The following CTNNA2 variants were observed in gnomAD, a reference collection of about 807,000 sequenced individuals.
CTNNA2 encodes catenin alpha 2.
CTNNA2 carries 42 observed loss-of-function variants against 101.0 expected under a neutral mutation model. The observed-to-expected ratio is 0.42, with a 90% CI of 0.32 to 0.54. The LOEUF is 0.54. Ranked by LOEUF, CTNNA2 falls within the 20% of genes least tolerant of loss-of-function variation. The pLI, the probability that CTNNA2 is intolerant of heterozygous loss-of-function variation, is 0.14. For missense variants in CTNNA2, 871 were observed against 1,223.1 expected (o/e 0.71, Z 4.29); for synonymous variants, 450 against 456.4 (o/e 0.99, Z 0.18).
intron 17 of CTNNA2, among the ~76,000 whole-genome samples, chr2:80,615,937 A>G (rs1262142146): frequency 1.3e-5 from 2 of 151,716 alleles, no homozygotes; most frequent in African/African-American, 2.4e-5. Flanking sequence ...TGGGCTATAA[A>G]TATATCTCAA....
intron 9 of CTNNA2, among the ~76,000 whole-genome samples, chr2:80,482,084 T>A (rs1686193699): frequency 6.6e-6 from 1 of 151,728 alleles, no homozygotes; most frequent in African/African-American, 2.4e-5. Flanking sequence ...TTAATTTAAT[T>A]TAATTTAATT....
chr2:79,668,234 G>A (rs1333260278), intron 2 of CTNNA2, among the ~76,000 whole-genome samples: 13 of 110,716 alleles, frequency 1.2e-4, no homozygotes, highest in South Asian at 3.7e-4. Flanking sequence ...GCGACAGAGC[G>A]AGACTCCGTC....
chr2:79,794,720 A>G (rs1263060804), intron 3 of CTNNA2, among the ~76,000 whole-genome samples: 1 of 152,248 alleles, frequency 6.6e-6, no homozygotes, highest in African/African-American at 2.4e-5. Flanking sequence ...CATTTAAGTA[A>G]TATACTCCAT....
intron 4 of CTNNA2, 143 bp downstream of exon 4, chr2:79,858,322 T>G (rs1681307703): frequency 2.1e-6 from 1 of 467,370 alleles, no homozygotes; most frequent in African/African-American, 1.9e-5. Context: ...CACGTCCAAT[T>G]TTTTCTAATA....
chr2:80,506,891 T>G (rs141833186), intron 9 of CTNNA2, among the ~76,000 whole-genome samples: 4 of 152,212 alleles, frequency 2.6e-5, no homozygotes, highest in African/African-American at 9.6e-5. Flanking sequence ...AAGAACTGCC[T>G]ATGTGACCTT....
chr2:80,356,760 C>T (rs1673853145), intron 7 of CTNNA2, among the ~76,000 whole-genome samples: 2 of 152,180 alleles, frequency 1.3e-5, no homozygotes, highest in Admixed American at 6.5e-5. Flanking sequence ...ACCATTCATT[C>T]AACACTTATC....
intron 2 of CTNNA2, among the ~76,000 whole-genome samples, chr2:79,678,360 G>A (rs1219972446): frequency 6.6e-6 from 1 of 151,960 alleles, no homozygotes; most frequent in Non-Finnish European, 1.5e-5. Context: ...TAGGCAACAT[G>A]GTGAAACCCT....
chr2:79,191,236 T>C (rs1002878079), intron 1 of CTNNA2, among the ~76,000 whole-genome samples: 13 of 152,172 alleles, frequency 8.5e-5, no homozygotes, highest in African/African-American at 3.1e-4. Context: ...ACAAAGTTAG[T>C]CTCCAATTCC....
intron 7 of CTNNA2, among the ~76,000 whole-genome samples, chr2:80,085,757 G>A (rs945698120): frequency 2.0e-4 from 31 of 151,812 alleles, no homozygotes; most frequent in African/African-American, 5.8e-4. Flanking sequence ...GGGCTTTAAT[G>A]ACCACTTTTA....
At chr2:80,241,352 G>A (rs1230313088) in intron 7 of CTNNA2, among the ~76,000 whole-genome samples, 3 of 151,686 alleles carry the variant, frequency 2.0e-5, no homozygotes, top group African/African-American at 7.3e-5. Flanking sequence ...TAAATGGTAA[G>A]TAGAGTCAGT....
chr2:79,628,111 G>A (rs1679437846), intron 1 of CTNNA2, among the ~76,000 whole-genome samples: 1 of 152,098 alleles, frequency 6.6e-6, no homozygotes, highest in African/African-American at 2.4e-5. Flanking sequence ...TTTGACCTAG[G>A]TTTTTCCTAT....
intron 3 of CTNNA2, among the ~76,000 whole-genome samples, chr2:79,357,452 T>C (rs964645697): frequency 2.6e-5 from 4 of 152,096 alleles, no homozygotes; most frequent in African/African-American, 9.7e-5. Flanking sequence ...AAGCAAATTA[T>C]TGAAAATTCA....
chr2:80,531,667 TTG>T (rs1690555862), intron 9 of CTNNA2, among the ~76,000 whole-genome samples: 1 of 152,128 alleles, frequency 6.6e-6, no homozygotes, highest in South Asian at 2.1e-4. Context: ...TTTTATTTGT[TTG>T]TTTGTTTTCT....
chr2:79,289,728 C>A (rs1036657925), intron 2 of CTNNA2, among the ~76,000 whole-genome samples: 1 of 152,172 alleles, frequency 6.6e-6, no homozygotes, highest in Non-Finnish European at 1.5e-5. Context: ...CTAGGCAATA[C>A]AGCAAGACTC....
At chr2:79,636,865 A>C (rs1680107047) in intron 1 of CTNNA2, 2 of 152,180 alleles carry the variant, frequency 1.3e-5, no homozygotes, top group African/African-American at 4.8e-5. Flanking sequence ...ATACTATAAA[A>C]ATATTGGATG....
At chr2:80,526,464 C>T (rs1690042593) in intron 9 of CTNNA2, among the ~76,000 whole-genome samples, 2 of 152,090 alleles carry the variant, frequency 1.3e-5, no homozygotes, top group Non-Finnish European at 2.9e-5. Context: ...TCCCAAAGTC[C>T]TGAGATTACA....
At chr2:79,913,803 A>G (rs1015195091) in intron 7 of CTNNA2, among the ~76,000 whole-genome samples, 6 of 152,204 alleles carry the variant, frequency 3.9e-5, no homozygotes, top group East Asian at 3.9e-4. Flanking sequence ...AGTTGTATCA[A>G]TTGCAGCTCA....
intron 9 of CTNNA2, among the ~76,000 whole-genome samples, chr2:80,470,488 G>C (rs936689134): frequency 6.6e-6 from 1 of 152,116 alleles, no homozygotes; most frequent in Admixed American, 6.5e-5. Flanking sequence ...AAAATGTCAT[G>C]AGTAAGCCTG....
At chr2:80,115,915 C>T (rs909032665) in intron 7 of CTNNA2, among the ~76,000 whole-genome samples, 1 of 152,122 alleles carries the variant, frequency 6.6e-6, no homozygotes, top group African/African-American at 2.4e-5. Flanking sequence ...CCTCTCCGTG[C>T]CTTTGTTTCT....
Sources: allele counts gnomAD v4.1 joint callset (sites outside exome capture counted in the v4.1 genomes callset), GRCh38; gene constraint gnomAD v4.1.1; transcripts MANE v1.5; gene names NCBI Gene and HGNC (gene_info 2026-07-23, HGNC 2026-07-21).